Variants in SHC2 observed in about 807,000 individuals in gnomAD.
SHC2 encodes the protein SHC-transforming protein 2.
A neutral mutation model predicts 60.6 loss-of-function variants in SHC2; 62 were observed. The observed-to-expected ratio is 1.02, with a 90% CI of 0.83 to 1.26. SHC2 has a LOEUF of 1.26. Ranked by LOEUF, SHC2 falls within the 50% of genes most tolerant of loss-of-function variation. The pLI, the probability that SHC2 is intolerant of heterozygous loss-of-function variation, is 0.00. For synonymous variants in SHC2, 375 were observed against 372.4 expected, an observed-to-expected ratio of 1.01 and a Z score of -0.08; for missense variants, 873 against 822.2, an observed-to-expected ratio of 1.06 and a Z score of -0.76.
Position 438,579 on chromosome 19 carries a change from C to T in SHC2, c.720+139G>A. On this transcript the variant is annotated intron_variant, in intron 4 of 12. Coordinates refer to ENST00000264554, the MANE Select transcript of SHC2 (RefSeq NM_012435.3). This position sits in a 1 kb window ranked among gnomAD's most constrained non-coding sequence, Gnocchi z 5.0. Reference sequence around the variant, plus strand: ...AGGGCAGTGGCTGCACCCCCAGCTCCTGCTCAGCGGGGCCTCGGCTCGTCT... The same window carrying T: ...AGGGCAGTGGCTGCACCCCCAGCTCTTGCTCAGCGGGGCCTCGGCTCGTCT... 9.7e-7 allele frequency: 1 copy of T among 1,035,030 alleles called. No homozygotes were observed. The highest frequency in any genetic ancestry group is 1.4e-6 in the Non-Finnish European group (1 of 726,002). The allele number at this position is 1,035,030 out of a possible 1,614,324, so 64.1% of individuals were successfully genotyped here.
intron 1 of SHC2, among the ~76,000 whole-genome samples, chr19:447,561 C>A (rs1975080547): frequency 6.6e-6 from 1 of 152,174 alleles, no homozygotes; most frequent in Non-Finnish European, 1.5e-5. Flanking sequence ...GGCGGCTCAC[C>A]TGAGGTCAGG....
At chr19:455,114 G>A (rs1005699568) in intron 1 of SHC2, among the ~76,000 whole-genome samples, 1 of 152,234 alleles carries the variant, frequency 6.6e-6, no homozygotes, top group African/African-American at 2.4e-5. Flanking sequence ...GGGGTTCCAG[G>A]TTGGCATGAA....
Position 438,790 on chromosome 19 carries a change from G to GCGAAGGTTGCT in SHC2, c.637_647dup (p.Phe217AlafsTer8), listed in dbSNP as rs1382880862. 6.3e-7 allele frequency: 1 copy of GCGAAGGTTGCT among 1,576,226 alleles called. No homozygotes were observed. The highest frequency in any genetic ancestry group is 1.8e-5 in the Admixed American group (1 of 54,264). ...GGATGGAGATGCTCATGCCGGCAAA[G>GCGAAGGTTGCT]CGAAGGTTGCTCTTGCCCAGGACGG... On this transcript the variant is annotated frameshift_variant, in exon 4 of 13. Coordinates refer to ENST00000264554, the MANE Select transcript of SHC2 (RefSeq NM_012435.3). LOFTEE classifies it high-confidence loss of function. This position sits in a 1 kb window ranked among gnomAD's most constrained non-coding sequence, Gnocchi z 5.0.
At chr19:458,755 CCCGGGGAGGCGGAGGCGGGTT>C (rs1270389032) in intron 1 of SHC2, among the ~76,000 whole-genome samples, 1,667 of 119,380 alleles carry the variant, frequency 0.014, 55 homozygotes, top group African/African-American at 0.048. Flanking sequence ...GGAAGCGGGT[CCCGGGGAGGCGGAGGCGGGTT>C]CCGGGGAGGC....
At chr19:459,365 G>A (rs1229231634) in intron 1 of SHC2, among the ~76,000 whole-genome samples, 1 of 136,664 alleles carries the variant, frequency 7.3e-6, no homozygotes, top group Non-Finnish European at 1.5e-5. Flanking sequence ...CAGCGTAGGG[G>A]GAAGGACCCC....
chr19:434,966 A>C, intron 7 of SHC2, 101 bp from the exon 8 acceptor site: 1 of 1,277,006 alleles, frequency 7.8e-7, no homozygotes, highest in Non-Finnish European at 1.1e-6. Flanking sequence ...CTGAGTTCGA[A>C]TCCCAGCCCC....
chr19:434,797 C>G lies in SHC2; in HGVS notation c.1022G>C (p.Ser341Thr). ...EDSLEHNYYN[S>T]IPGKEPPLGG... is the part of the protein sequence containing the mutation. ...CAGCGGCGGCTCCTTCCCCGGGATG[C>G]TGTTGTAGTAATTGTGCTCCAAAGA... The change falls in exon 8 of 13, where the codon AGC (serine) becomes ACC (threonine). Residue 341 changes from serine to threonine, a missense_variant. By Grantham distance (58) the Ser-to-Thr change is moderately conservative. Coordinates refer to ENST00000264554, the MANE Select transcript of SHC2 (RefSeq NM_012435.3). 6.2e-7 allele frequency: 1 copy of G among 1,612,896 alleles called. No individual in the cohort carries two copies. The highest frequency in any genetic ancestry group is 2.2e-5 in the East Asian group (1 of 44,860).
rs756136905 is a variant in SHC2 at position 419,073 on chromosome 19, T to G, written c.1621-17A>C. The G allele has an allele frequency of 2.6e-5, 41 of 1,563,268 alleles. No homozygotes were observed. Among genetic ancestry groups the G allele is most frequent in the Non-Finnish European group, 3.4e-5 (39 of 1,150,622 alleles). ...CGTCCGTACCTGCGGGACAGAGACC[T>G]CGGCATCAGCTCCCGGGAGCCCGCC... On this transcript the variant is annotated splice_polypyrimidine_tract_variant and intron_variant, in intron 11 of 12. Transcript: ENST00000264554.
intron 9 of SHC2, among the ~76,000 whole-genome samples, chr19:430,370 C>T (rs72486327): frequency 0.031 from 4,744 of 151,642 alleles, 237 homozygotes; most frequent in East Asian, 0.22. Flanking sequence ...GTGTGGAAGA[C>T]GCAGTACCTA....
At position 460,962 on chromosome 19, in the gene SHC2, G is replaced by T; in HGVS notation, c.35C>A (p.Ala12Glu). The change falls in exon 1 of 13, where the codon GCG becomes GAG. Residue 12 changes from alanine (A) to glutamate (E), a missense_variant. Physicochemically the swap from Ala to Glu is moderately radical, Grantham distance 107. Transcript: ENST00000264554. ...CTCGGGCTCGGGGGGCGCGGGGGGC[G>T]CCGGGGGCGCGCGCCCGCCCGGACC... is the stretch of plus-strand genomic sequence containing the variant. ...TQGPGGRAPP[A>E]PPAPPEPEAP... 1 of 983,684 alleles carries T rather than the reference G, an allele frequency of 1.0e-6. No individual in the cohort carries two copies. Among genetic ancestry groups the T allele is most frequent in the Non-Finnish European group, 1.2e-6 (1 of 828,668 alleles). 60.9% of individuals were successfully genotyped at this position (983,684 alleles called of 1,614,324 possible).
At chr19:430,956 C>T (rs976799292) in intron 8 of SHC2, among the ~76,000 whole-genome samples, 1 of 152,244 alleles carries the variant, frequency 6.6e-6, no homozygotes, top group Non-Finnish European at 1.5e-5. Flanking sequence ...GCCTTCTCTC[C>T]ACCTCGGAAG....
intron 12 of SHC2, among the ~76,000 whole-genome samples, chr19:418,636 A>G (rs943083418): frequency 1.3e-5 from 2 of 152,196 alleles, no homozygotes; most frequent in African/African-American, 2.4e-5. Flanking sequence ...TCCCATTGCT[A>G]TGAAATGTCC....
chr19:442,601 G>A (rs1178028545), intron 1 of SHC2, among the ~76,000 whole-genome samples: 1 of 54,920 alleles, frequency 1.8e-5, no homozygotes, highest in Non-Finnish European at 3.0e-5. Flanking sequence ...GTGGATGGAC[G>A]GGTGGGTGGG....
In SHC2 at chr19:422,015, C is replaced by T. The variant is rs1010307300; in HGVS notation, c.1620+131G>A. ...AAACATGGAAAGCTCCTGCATGCCC[C>T]GAGACCCTCGAGACCCTTGAGACCC... On this transcript the variant is annotated intron_variant, in intron 11 of 12. Transcript: ENST00000264554. The surrounding 1 kb of genome is among the most constrained non-coding windows in gnomAD (Gnocchi z 5.0). The T allele has an allele frequency of 2.1e-5, 20 of 969,242 alleles. 2 individuals are homozygous for T. The highest frequency in any genetic ancestry group is 1.7e-4 in the African/African-American group (10 of 59,092). 60.0% of individuals were successfully genotyped at this position (969,242 alleles called of 1,614,324 possible). A position where few individuals can be genotyped will look rare whatever the true frequency, so the allele number is the denominator to read the frequency against.
In SHC2 at chr19:453,562, C is replaced by T. The variant is rs1318113621; in HGVS notation, c.468+6967G>A. On this transcript the variant is annotated intron_variant, in intron 1 of 12. Coordinates refer to ENST00000264554, the MANE Select transcript of SHC2 (RefSeq NM_012435.3). This position sits in a 1 kb window ranked among gnomAD's most constrained non-coding sequence, Gnocchi z 6.3. Reference sequence around the variant, plus strand: ...GCTGGATTACAGGCGTGAGCCACCACGCCCGGCCAGAACCCAGATCTTTAG... The same window carrying T: ...GCTGGATTACAGGCGTGAGCCACCATGCCCGGCCAGAACCCAGATCTTTAG... Among the ~76,000 whole-genome samples, 1 of 152,178 alleles carries T rather than the reference C, an allele frequency of 6.6e-6. No homozygotes were observed. Among genetic ancestry groups the T allele is most frequent in the African/African-American group, 2.4e-5 (1 of 41,430 alleles).
At chr19:447,777 TA>T (rs200158967) in intron 1 of SHC2, among the ~76,000 whole-genome samples, 11 of 149,912 alleles carry the variant, frequency 7.3e-5, no homozygotes, top group East Asian at 1.9e-4. Context: ...AAACTCCATC[TA>T]AAAAAAAAAT....
At position 429,201 on chromosome 19, in the gene SHC2, T is replaced by C. The variant is rs371268635; in HGVS notation, c.1174+1483A>G. Among the ~76,000 whole-genome samples, 211 of 110,136 alleles carry C rather than the reference T, an allele frequency of 1.9e-3. No individual in the cohort carries two copies. In the Middle Eastern group the frequency reaches 0.029, roughly 15 times the overall value. The allele number at this position is 110,136 out of a possible 152,430, so 72.3% of individuals were successfully genotyped here. On this transcript the variant is annotated intron_variant, in intron 9 of 12. Coordinates refer to ENST00000264554, the MANE Select transcript of SHC2 (RefSeq NM_012435.3). Reference sequence around the variant, plus strand: ...CCGTGTGGATGACGCAGTACCTATATCCAACATGCAGAGAAACCTAATACC... The same window carrying C: ...CCGTGTGGATGACGCAGTACCTATACCCAACATGCAGAGAAACCTAATACC...
intron 9 of SHC2, among the ~76,000 whole-genome samples, chr19:429,029 C>T (rs1479812300): frequency 6.7e-6 from 1 of 150,096 alleles, no homozygotes; most frequent in East Asian, 2.0e-4. Context: ...AACCTAATAC[C>T]GTGTGGATGA....
chr19:441,975 C>T lies in SHC2; in HGVS notation c.469-1043G>A, dbSNP rs1313657061. 2.0e-5 allele frequency among the ~76,000 whole-genome samples: 3 copies of T among 152,216 alleles called. No homozygotes were observed. Among genetic ancestry groups the T allele is most frequent in the Admixed American group, 2.0e-4 (3 of 15,284 alleles). On this transcript the variant is annotated intron_variant, in intron 1 of 12. Transcript: ENST00000264554. This position sits in a 1 kb window ranked among gnomAD's most constrained non-coding sequence, Gnocchi z 4.9. ...CCGGCCCAGGCTCTGCCCCTCTCCA[C>T]GGCTCCATGTACCTGGAGCAGGGAG...
Sources: gnomAD v4.1 joint callset for allele counts (sites outside exome capture counted in the v4.1 genomes callset) on GRCh38, gnomAD v4.1.1 for gene constraint, Gnocchi (gnomAD v3.1) non-coding constraint, MANE v1.5 for transcripts, NCBI Gene and HGNC (gene_info 2026-07-23, HGNC 2026-07-21) for gene names.